The following NFATC3 variants were observed in gnomAD, a reference collection of about 807,000 sequenced individuals.
The protein encoded by NFATC3 is nuclear factor of activated T-cells, cytoplasmic 3.
NFATC3 carries 46 observed loss-of-function variants against 98.6 expected under a neutral mutation model. The observed-to-expected ratio is 0.47, with a 90% CI of 0.37 to 0.60. NFATC3 has a LOEUF of 0.60. NFATC3 is among the 20% of genes least tolerant of loss of function. The pLI is 0.00. For missense variants in NFATC3, 1,256 were observed against 1,295.5 expected (o/e 0.97, Z 0.47); for synonymous variants, 512 against 472.2 (o/e 1.08, Z -1.09).
chr16:68,211,510 T>TTTGTTGTTG (rs200230482), intron 9 of NFATC3, among the ~76,000 whole-genome samples: 1 of 145,068 alleles, frequency 6.9e-6, no homozygotes, highest in East Asian at 2.1e-4. Flanking sequence ...GTAAATGTTT[T>TTTGTTGTTG]TTGTTGTTGT....
intron 1 of NFATC3, among the ~76,000 whole-genome samples, chr16:68,118,771 A>G (rs1259058325): frequency 1.3e-5 from 2 of 152,184 alleles, no homozygotes; most frequent in African/African-American, 2.4e-5. Flanking sequence ...AATATGTACA[A>G]AGTAGAAGTT....
At chr16:68,170,583 C>T (rs1349599626) in intron 5 of NFATC3, among the ~76,000 whole-genome samples, 1 of 150,278 alleles carries the variant, frequency 6.7e-6, no homozygotes, top group Non-Finnish European at 1.5e-5. Context: ...ACCCCTGCCT[C>T]CCAGGTTCAA....
chr16:68,132,801 A>G (rs1049474751), intron 3 of NFATC3, among the ~76,000 whole-genome samples: 1 of 152,214 alleles, frequency 6.6e-6, no homozygotes, highest in Non-Finnish European at 1.5e-5. Flanking sequence ...CACTTATATG[A>G]AGGGGCTAAA....
At chr16:68,150,291 A>G (rs559280260) in intron 3 of NFATC3, among the ~76,000 whole-genome samples, 14 of 152,210 alleles carry the variant, frequency 9.2e-5, no homozygotes, top group Middle Eastern at 3.4e-3. Flanking sequence ...AGATAATACA[A>G]TTAGGCCAGG....
chr16:68,123,117 T>A lies in NFATC3; in HGVS notation c.1234T>A (p.Phe412Ile). The part of the protein sequence containing the change: ...SKPKPGHTPI[F>I]RTSSLPPLDW... ...ACCAAAGCCTGGCCACACCCCTATA[T>A]TTCGGTGAGTTGATGGAAATGGCTG... Residue 412 changes from phenylalanine (F) to isoleucine (I), a missense_variant, in exon 2 of 10, where the codon TTT becomes ATT. This residue lies in a region of NFATC3 where 156 missense variants were observed against 212.4 expected (regional missense o/e 0.73). Transcript: ENST00000346183. 1 of 1,592,300 alleles carries A rather than the reference T, an allele frequency of 6.3e-7. No homozygotes were observed. The highest frequency in any genetic ancestry group is 8.5e-7 in the Non-Finnish European group (1 of 1,176,138).
At chr16:68,100,596 A>C (rs550318883) in intron 1 of NFATC3, among the ~76,000 whole-genome samples, 128 of 152,032 alleles carry the variant, frequency 8.4e-4, no homozygotes, top group Middle Eastern at 3.4e-3. Flanking sequence ...AAACAAACAA[A>C]AAAAAAAACC....
In NFATC3 at chr16:68,158,064, G is replaced by T. The variant is rs1297379236; in HGVS notation, c.1597G>T (p.Ala533Ser). 2 of 1,607,792 alleles carry T rather than the reference G, an allele frequency of 1.2e-6. No homozygotes were observed. Among genetic ancestry groups the T allele is most frequent in the Non-Finnish European group, 1.7e-6 (2 of 1,176,328 alleles). The change falls in exon 4 of 10, where the codon GCC becomes TCC. Residue 533 changes from alanine (A) to serine (S), a missense_variant. Ala to Ser is a moderately conservative substitution (Grantham distance 99, BLOSUM62 1). Transcript: ENST00000346183. ...ACTTCTTCCTGAAAATAATATGTCA[G>T]CCAGGTATTTTGAAATATACCTAAA... ...IPLLPENNMSASIDCAGILKL... is the reference protein window; with the variant it reads ...IPLLPENNMSSSIDCAGILKL...
intron 1 of NFATC3, among the ~76,000 whole-genome samples, chr16:68,088,467 TATA>T: frequency 8.0e-6 from 1 of 124,908 alleles, no homozygotes; most frequent in South Asian, 2.7e-4. Context: ...TATAATTATA[TATA>T]ATATATGTAG....
At chr16:68,091,290 A>G (rs1397687133) in intron 1 of NFATC3, among the ~76,000 whole-genome samples, 1 of 152,216 alleles carries the variant, frequency 6.6e-6, no homozygotes, top group Non-Finnish European at 1.5e-5. Context: ...GTTCAAGATA[A>G]TAATTTAAAG....
chr16:68,199,616 T>C (rs1040447436), intron 9 of NFATC3, among the ~76,000 whole-genome samples: 13 of 150,214 alleles, frequency 8.7e-5, no homozygotes, highest in Non-Finnish European at 5.9e-5. Context: ...TGAGACGGAG[T>C]CTCACTCTGT....
intron 1 of NFATC3, among the ~76,000 whole-genome samples, chr16:68,112,645 C>CTTTTTTTTTTTTTTTTTTT (rs1567503218): frequency 2.5e-5 from 3 of 119,236 alleles, no homozygotes; most frequent in Non-Finnish European, 3.4e-5. Context: ...TTTTCTTTTT[C>CTTTTTTTTTTTTTTTTTTT]GTTTTTTTTT....
chr16:68,154,473 C>T (rs547628276), intron 3 of NFATC3, among the ~76,000 whole-genome samples: 5 of 152,244 alleles, frequency 3.3e-5, no homozygotes, highest in African/African-American at 7.2e-5. Context: ...TGATTTCATC[C>T]GTTCTCTTTC....
chr16:68,149,923 G>A (rs764635344), intron 3 of NFATC3, among the ~76,000 whole-genome samples: 13 of 152,022 alleles, frequency 8.6e-5, no homozygotes, highest in Non-Finnish European at 1.5e-4. Flanking sequence ...GTTAGAAGTA[G>A]TTTTCTTATT....
intron 1 of NFATC3, among the ~76,000 whole-genome samples, chr16:68,099,434 CAAA>C (rs997913348): frequency 7.3e-6 from 1 of 137,806 alleles, no homozygotes; most frequent in African/African-American, 2.7e-5. Context: ...GACCCCACCT[CAAA>C]AAAAAAAAAA....
At chr16:68,217,789 G>C (rs889436341) in intron 9 of NFATC3, 2 of 1,231,630 alleles carry the variant, frequency 1.6e-6, no homozygotes, top group East Asian at 3.2e-5. Flanking sequence ...GGAGGAAGAA[G>C]GAGGCCAAGC....
At chr16:68,106,027 C>CAG (rs1338098745) in intron 1 of NFATC3, among the ~76,000 whole-genome samples, 2 of 151,912 alleles carry the variant, frequency 1.3e-5, no homozygotes, top group African/African-American at 4.8e-5. Context: ...TACCACCACG[C>CAG]CAGGCTAACT....
intron 6 of NFATC3, 152 bp from the exon 7 acceptor site, chr16:68,181,323 T>C: frequency 1.6e-6 from 1 of 609,134 alleles, no homozygotes; most frequent in Non-Finnish European, 3.0e-6. Flanking sequence ...TTTTCCCCAT[T>C]TGTACATATT....
At chr16:68,138,549 T>G in intron 3 of NFATC3, 2 of 1,288,976 alleles carry the variant, frequency 1.6e-6, no homozygotes, top group Non-Finnish European at 2.0e-6. Context: ...TCGTCTTTGA[T>G]GCACAGCTTC....
chr16:68,214,336 T>C, intron 9 of NFATC3: 1 of 1,614,144 alleles, frequency 6.2e-7, no homozygotes, highest in South Asian at 1.1e-5. Context: ...CAGACCAATT[T>C]ATATCTGACT....
Sources: gnomAD v4.1 joint callset for allele counts (sites outside exome capture counted in the v4.1 genomes callset) on GRCh38, gnomAD v4.1.1 for gene constraint, gnomAD v4.1.1 regional missense constraint, MANE v1.5 for transcripts, NCBI Gene and HGNC (gene_info 2026-07-23, HGNC 2026-07-21) for gene names.